The following OR9Q1 variants were observed in gnomAD, a reference collection of about 807,000 sequenced individuals.
OR9Q1 encodes the protein olfactory receptor family 9 subfamily Q member 1.
For synonymous variants in OR9Q1, 153 were observed against 148.6 expected, an observed-to-expected ratio of 1.03 and a Z score of -0.22; for missense variants, 374 against 378.8, an observed-to-expected ratio of 0.99 and a Z score of 0.11.
At chr11:58,129,879 TG>T (rs1854124813) in intron 2 of OR9Q1, among the ~76,000 whole-genome samples, 2 of 152,316 alleles carry the variant, frequency 1.3e-5, no homozygotes, top group African/African-American at 4.8e-5. Context: ...AATTATTTTT[TG>T]CTTATTTTTT....
intron 2 of OR9Q1, among the ~76,000 whole-genome samples, chr11:58,096,924 G>A (rs1006202423): frequency 5.3e-5 from 8 of 152,116 alleles, no homozygotes; most frequent in African/African-American, 1.4e-4. Flanking sequence ...GGCTCGTCTC[G>A]AACTCCTGAC....
chr11:58,115,489 C>T (rs1359438426), intron 2 of OR9Q1, among the ~76,000 whole-genome samples: 1 of 152,178 alleles, frequency 6.6e-6, no homozygotes. Flanking sequence ...TGTTGTACAC[C>T]ACAGGTGCGT....
chr11:58,170,724 T>A (rs1167841709), intron 2 of OR9Q1, among the ~76,000 whole-genome samples: 2 of 152,120 alleles, frequency 1.3e-5, no homozygotes, highest in Non-Finnish European at 2.9e-5. Flanking sequence ...TTTGCTTGGT[T>A]CTCATTCTCT....
intron 2 of OR9Q1, among the ~76,000 whole-genome samples, chr11:58,085,041 C>T (rs1236018910): frequency 1.3e-5 from 2 of 151,752 alleles, no homozygotes; most frequent in African/African-American, 4.9e-5. Context: ...ACTTAGAAAA[C>T]CCTAAAAACT....
intron 2 of OR9Q1, among the ~76,000 whole-genome samples, chr11:58,166,233 A>G (rs1252446037): frequency 1.3e-5 from 2 of 152,204 alleles, no homozygotes; most frequent in African/African-American, 4.8e-5. Flanking sequence ...GTTATTACAA[A>G]AATAACACAT....
intron 1 of OR9Q1, chr11:58,047,414 G>C (rs1853228447): frequency 6.6e-6 from 1 of 152,210 alleles, no homozygotes; most frequent in African/African-American, 2.4e-5. Flanking sequence ...AACAATGGCT[G>C]TCTGTCCTGA....
At chr11:58,025,559 T>C (rs1852965202) in intron 1 of OR9Q1, among the ~76,000 whole-genome samples, 1 of 152,086 alleles carries the variant, frequency 6.6e-6, no homozygotes, top group African/African-American at 2.4e-5. Flanking sequence ...CGAAGACGTG[T>C]TGGGGCAGGG....
chr11:58,080,614 A>G (rs957082726), intron 2 of OR9Q1, among the ~76,000 whole-genome samples: 1 of 152,316 alleles, frequency 6.6e-6, no homozygotes, highest in Admixed American at 6.5e-5. Context: ...ACCAACGCAT[A>G]TAAGCATTCC....
At chr11:58,104,350 T>G (rs1590591956) in intron 2 of OR9Q1, among the ~76,000 whole-genome samples, 1 of 28,334 alleles carries the variant, frequency 3.5e-5, no homozygotes, top group Non-Finnish European at 1.3e-4. Context: ...TGGATGGTAG[T>G]TTTTTTTTTT....
At chr11:58,170,097 G>A (rs755673107) in intron 2 of OR9Q1, among the ~76,000 whole-genome samples, 16 of 152,084 alleles carry the variant, frequency 1.1e-4, no homozygotes, top group Middle Eastern at 3.2e-3. Context: ...TTGCTGCCAT[G>A]GTGGATGCAG....
In OR9Q1 at chr11:58,058,222, C is replaced by G. The variant is rs541380189; in HGVS notation, c.-15+2275C>G. On this transcript the variant is annotated intron_variant, in intron 2 of 2. Coordinates refer to ENST00000335397, the MANE Select transcript of OR9Q1 (RefSeq NM_001005212.4). ...CAGGACATCAAGTTCTGATAGGCAA[C>G]CCACAGGGCTTTGGCTGCCAGGTAG... Among the ~76,000 whole-genome samples, 8 of 152,302 alleles carry G rather than the reference C, an allele frequency of 5.3e-5. No individual in the cohort carries two copies. The South Asian group carries it at 1.7e-3, about 32-fold the overall frequency.
At chr11:58,081,021 T>C (rs1308892910) in intron 2 of OR9Q1, among the ~76,000 whole-genome samples, 1 of 151,472 alleles carries the variant, frequency 6.6e-6, no homozygotes, top group East Asian at 2.0e-4. Context: ...CCTGTGTCCA[T>C]GTGTTCTCGT....
At position 58,076,529 on chromosome 11, in the gene OR9Q1, G is replaced by A. The variant is rs201923160; in HGVS notation, c.-15+20582G>A. Among the ~76,000 whole-genome samples, 4 of 152,174 alleles carry A rather than the reference G, an allele frequency of 2.6e-5. No individual in the cohort carries two copies. In the East Asian group the frequency reaches 7.7e-4, roughly 29 times the overall value. Reference sequence around the variant, plus strand: ...ACTCCTTCAAGACAAGCAGGAGAATGTGTCTTCTGCTTCAAATCTCTTTTA... The same window carrying A: ...ACTCCTTCAAGACAAGCAGGAGAATATGTCTTCTGCTTCAAATCTCTTTTA... On this transcript the variant is annotated intron_variant, in intron 2 of 2. Transcript: ENST00000335397.
At chr11:58,122,179 C>T (rs1286582008) in intron 2 of OR9Q1, among the ~76,000 whole-genome samples, 1 of 152,194 alleles carries the variant, frequency 6.6e-6, no homozygotes, top group African/African-American at 2.4e-5. Context: ...CATGAAAGGG[C>T]TCATGGTAGC....
intron 1 of OR9Q1, among the ~76,000 whole-genome samples, chr11:58,029,686 G>T (rs995256004): frequency 6.6e-6 from 1 of 152,084 alleles, no homozygotes; most frequent in Non-Finnish European, 1.5e-5. Context: ...TGATATTGGA[G>T]CTTAAATTCA....
At chr11:58,164,297 G>A (rs1041859643) in intron 2 of OR9Q1, among the ~76,000 whole-genome samples, 10 of 152,200 alleles carry the variant, frequency 6.6e-5, no homozygotes, top group African/African-American at 1.7e-4. Flanking sequence ...TAAGAAAAAC[G>A]GATGATGATA....
At chr11:58,033,821 T>C (rs941577680) in intron 1 of OR9Q1, among the ~76,000 whole-genome samples, 2 of 152,156 alleles carry the variant, frequency 1.3e-5, no homozygotes, top group African/African-American at 4.8e-5. Context: ...ATGGTCTGAA[T>C]AGTCAGGAGT....
At chr11:58,032,353 T>G (rs950568422) in intron 1 of OR9Q1, among the ~76,000 whole-genome samples, 1 of 152,130 alleles carries the variant, frequency 6.6e-6, no homozygotes, top group Non-Finnish European at 1.5e-5. Context: ...CATTATATTA[T>G]CTGACTTAAA....
intron 1 of OR9Q1, among the ~76,000 whole-genome samples, chr11:58,025,754 A>T (rs1360013950): frequency 6.6e-6 from 1 of 152,144 alleles, no homozygotes; most frequent in African/African-American, 2.4e-5. Flanking sequence ...ATTTGAAGGC[A>T]TCAGGTGGTC....
Sources: gnomAD v4.1 joint callset for allele counts (sites outside exome capture counted in the v4.1 genomes callset) on GRCh38, gnomAD v4.1.1 for gene constraint, MANE v1.5 for transcripts, NCBI Gene and HGNC (gene_info 2026-07-23, HGNC 2026-07-21) for gene names.